The following FLNB variants were observed in gnomAD, a reference collection of about 807,000 sequenced individuals.
FLNB encodes filamin B.
Under a neutral mutation model 250.6 loss-of-function variants are expected in FLNB, and 111 were observed. The ratio of observed to expected loss-of-function variants is 0.44; its 90% CI spans 0.38 to 0.52. FLNB has a LOEUF of 0.52. Among genes scored for constraint, FLNB ranks in the 20% least tolerant of loss-of-function variants. FLNB has a pLI of 0.00. For missense variants in FLNB, 2,869 were observed against 3,447.8 expected (o/e 0.83, Z 4.20); for synonymous variants, 1,302 against 1,372.1 (o/e 0.95, Z 1.13).
At chr3:58,119,113 G>A (rs2097283914) in intron 19 of FLNB, 124 bp downstream of exon 19, 2 of 802,124 alleles carry the variant, frequency 2.5e-6, no homozygotes, top group Non-Finnish European at 2.2e-6. Flanking sequence ...CTTTGCAGTT[G>A]CACAGACTTT....
At chr3:58,014,728 T>C (rs967512408) in intron 1 of FLNB, among the ~76,000 whole-genome samples, 3 of 152,084 alleles carry the variant, frequency 2.0e-5, no homozygotes, top group Non-Finnish European at 4.4e-5. Flanking sequence ...CACCTTGCGT[T>C]TTCTTTTTCT....
At chr3:58,063,534 A>G (rs575181014) in intron 1 of FLNB, among the ~76,000 whole-genome samples, 1 of 152,348 alleles carries the variant, frequency 6.6e-6, no homozygotes, top group South Asian at 2.1e-4. Context: ...TAAAGCAGGC[A>G]GAGTTCCCCC....
intron 36 of FLNB, 64 bp downstream of exon 36, chr3:58,148,916 C>T (rs1021661869): frequency 2.2e-5 from 32 of 1,430,694 alleles, no homozygotes; most frequent in South Asian, 4.6e-5. Context: ...GCTGAGGCAG[C>T]GTCATCTTTT....
At chr3:58,152,804 T>G (rs761735049) in intron 38 of FLNB, 1 of 1,272,832 alleles carries the variant, frequency 7.9e-7, no homozygotes, top group South Asian at 1.2e-5. Context: ...GTGCCCCGCA[T>G]GCGGCCGCCT....
chr3:58,025,741 C>T (rs2097122709), intron 1 of FLNB, among the ~76,000 whole-genome samples: 1 of 152,250 alleles, frequency 6.6e-6, no homozygotes, highest in Admixed American at 6.5e-5. Flanking sequence ...GCCTGGCCAA[C>T]ATGGCGAAAC....
At chr3:58,167,530 A>G (rs922315038) in intron 43 of FLNB, among the ~76,000 whole-genome samples, 1 of 152,262 alleles carries the variant, frequency 6.6e-6, no homozygotes, top group African/African-American at 2.4e-5. Context: ...TATGCCAGGC[A>G]TGCCCCATAG....
chr3:58,106,412 C>T (rs2097259761), intron 11 of FLNB, among the ~76,000 whole-genome samples: 1 of 146,914 alleles, frequency 6.8e-6, no homozygotes, highest in Non-Finnish European at 1.5e-5. Flanking sequence ...TGCCTCGGCC[C>T]TCCCAAAGTG....
At chr3:58,057,087 C>T (rs1000561215) in intron 1 of FLNB, among the ~76,000 whole-genome samples, 4 of 152,148 alleles carry the variant, frequency 2.6e-5, no homozygotes, top group African/African-American at 9.7e-5. Context: ...TCAATCCTCC[C>T]ACCTCAGTCT....
chr3:58,161,796 C>T (rs939007997), intron 42 of FLNB, among the ~76,000 whole-genome samples: 2 of 151,918 alleles, frequency 1.3e-5, no homozygotes, highest in African/African-American at 2.4e-5. Context: ...CTCTTGGTGG[C>T]AGGATGGCTG....
At chr3:58,144,771 G>C (rs1005633630) in intron 32 of FLNB, among the ~76,000 whole-genome samples, 9 of 152,346 alleles carry the variant, frequency 5.9e-5, no homozygotes, top group Admixed American at 4.6e-4. Context: ...GTAGAATATG[G>C]TATCAAATTT....
At chr3:58,074,341 G>C (rs1453420453) in intron 1 of FLNB, among the ~76,000 whole-genome samples, 1 of 152,224 alleles carries the variant, frequency 6.6e-6, no homozygotes, top group Non-Finnish European at 1.5e-5. Context: ...TCTAGAGGCA[G>C]GCAGGTCTTG....
chr3:58,047,888 T>C (rs2097156477), intron 1 of FLNB, among the ~76,000 whole-genome samples: 1 of 152,114 alleles, frequency 6.6e-6, no homozygotes, highest in Non-Finnish European at 1.5e-5. Flanking sequence ...TATTGAATCA[T>C]TTGAAAGTAC....
chr3:58,157,644 GGAGATAAACCCA>G (rs1454761860), intron 41 of FLNB, among the ~76,000 whole-genome samples: 1 of 152,138 alleles, frequency 6.6e-6, no homozygotes, highest in Non-Finnish European at 1.5e-5. Flanking sequence ...ACCTACGGAG[GGAGATAAACCCA>G]GCACTTATTG....
Position 58,169,038 on chromosome 3 carries a change from A to G in FLNB, c.7417+380A>G. 6.4e-6 allele frequency: 2 copies of G among 311,828 alleles called. No homozygotes were observed. The highest frequency in any genetic ancestry group is 3.1e-5 in the South Asian group (1 of 32,324). The allele number at this position is 311,828 out of a possible 1,614,324, so 19.3% of individuals were successfully genotyped here. A position where few individuals can be genotyped will look rare whatever the true frequency, so the allele number is the denominator to read the frequency against. On this transcript the variant is annotated intron_variant, in intron 44 of 45. Coordinates refer to ENST00000295956, the MANE Select transcript of FLNB (RefSeq NM_001457.4). This position sits in a 1 kb window ranked among gnomAD's most constrained non-coding sequence, Gnocchi z 4.8. The stretch of plus-strand genomic sequence containing the variant: ...ATGTGTCTCCTCCAAAACACTGGAA[A>G]AAATACCAAACTATGAAAACCACTT...
intron 26 of FLNB, 75 bp downstream of exon 26, chr3:58,133,006 T>C: frequency 6.7e-7 from 1 of 1,494,580 alleles, no homozygotes; most frequent in Non-Finnish European, 9.1e-7. Flanking sequence ...CATCAGTCCA[T>C]CCACCCATCC....
At chr3:58,156,982 C>T (rs535413952) in intron 41 of FLNB, among the ~76,000 whole-genome samples, 3 of 152,332 alleles carry the variant, frequency 2.0e-5, no homozygotes, top group East Asian at 1.9e-4. Flanking sequence ...CAGACGTGAG[C>T]CACTGTGCCT....
intron 1 of FLNB, among the ~76,000 whole-genome samples, chr3:58,040,589 G>A (rs2097144747): frequency 6.6e-6 from 1 of 152,204 alleles, no homozygotes; most frequent in Admixed American, 6.5e-5. Context: ...CCGTCTCACT[G>A]GTTCAAGCGA....
At chr3:58,039,565 C>G (rs2097143153) in intron 1 of FLNB, among the ~76,000 whole-genome samples, 1 of 152,170 alleles carries the variant, frequency 6.6e-6, no homozygotes, top group Non-Finnish European at 1.5e-5. Context: ...CTAGACTTGA[C>G]TCTACTGTAA....
intron 1 of FLNB, among the ~76,000 whole-genome samples, chr3:58,034,508 A>G (rs1329694736): frequency 6.6e-6 from 1 of 152,128 alleles, no homozygotes; most frequent in African/African-American, 2.4e-5. Context: ...TTTTACACCA[A>G]GTATCGCACT....
Sources: allele counts gnomAD v4.1 joint callset (sites outside exome capture counted in the v4.1 genomes callset), GRCh38; gene constraint gnomAD v4.1.1; non-coding constraint Gnocchi (gnomAD v3.1); transcripts MANE v1.5; gene names NCBI Gene and HGNC (gene_info 2026-07-23, HGNC 2026-07-21).